The following RBL2 variants were observed in gnomAD, a reference collection of about 807,000 sequenced individuals.
RBL2 encodes RB transcriptional corepressor like 2, also known as retinoblastoma-like protein 2.
RBL2 carries 56 observed loss-of-function variants against 126.0 expected under a neutral mutation model. The observed-to-expected ratio is 0.44, with a 90% confidence interval of 0.36 to 0.56. The LOEUF (loss-of-function observed/expected upper bound fraction) is 0.56, where lower values mean the gene tolerates loss of function less well. Ranked by LOEUF, RBL2 falls within the 20% of genes least tolerant of loss-of-function variation. RBL2 has a pLI of 0.00. For missense variants in RBL2, 1,229 were observed against 1,398.2 expected (o/e 0.88, Z 1.93); for synonymous variants, 454 against 478.5 (o/e 0.95, Z 0.67).
intron 17 of RBL2, among the ~76,000 whole-genome samples, chr16:53,474,450 G>A (rs1366530672): frequency 1.3e-5 from 2 of 152,122 alleles, no homozygotes; most frequent in African/African-American, 4.8e-5. Flanking sequence ...CCAAGTAGCT[G>A]GGATTACAGG....
chr16:53,453,823 C>T, intron 7 of RBL2, 54 bp downstream of exon 7: 1 of 1,409,700 alleles, frequency 7.1e-7, no homozygotes, highest in Non-Finnish European at 9.7e-7. Flanking sequence ...ACTTAGGAAA[C>T]TTCAGAAGTT....
intron 3 of RBL2, among the ~76,000 whole-genome samples, chr16:53,444,052 C>G (rs1203635268): frequency 2.0e-5 from 3 of 151,936 alleles, no homozygotes; most frequent in African/African-American, 7.3e-5. Context: ...AGTTCAAGAC[C>G]AGCCTGGCCA....
intron 21 of RBL2, among the ~76,000 whole-genome samples, chr16:53,483,237 C>T (rs1276605276): frequency 6.6e-6 from 1 of 152,040 alleles, no homozygotes; most frequent in African/African-American, 2.4e-5. Flanking sequence ...TTTTTTTCAA[C>T]TCTTTGTAGG....
At chr16:53,487,307 C>G (rs1961213873) in intron 21 of RBL2, among the ~76,000 whole-genome samples, 1 of 152,110 alleles carries the variant, frequency 6.6e-6, no homozygotes, top group Non-Finnish European at 1.5e-5. Flanking sequence ...ATTATAACAC[C>G]ACAGTAATCA....
At chr16:53,440,418 T>C (rs1244197793) in intron 2 of RBL2, among the ~76,000 whole-genome samples, 2 of 152,212 alleles carry the variant, frequency 1.3e-5, no homozygotes, top group South Asian at 2.1e-4. Flanking sequence ...TCTAGAATTA[T>C]ATCAGGAACT....
At chr16:53,444,534 T>C (rs1183688499) in intron 3 of RBL2, among the ~76,000 whole-genome samples, 29 of 143,796 alleles carry the variant, frequency 2.0e-4, no homozygotes, top group African/African-American at 6.6e-4. Context: ...GCCTGGGCGA[T>C]AGAGCGAGAC....
Position 53,490,318 on chromosome 16 carries a change from A to G in RBL2, c.*18A>G. On this transcript the variant is annotated 3_prime_UTR_variant, in exon 22 of 22. Transcript: ENST00000262133. ...CCCACTGAGGTTAGTCTCTTGTATT[A>G]AACTCTTCACAAAATCTGTTTAGCA... 1 of 1,549,864 alleles carries G rather than the reference A, an allele frequency of 6.5e-7. No homozygotes were observed. The highest frequency in any genetic ancestry group is 8.8e-7 in the Non-Finnish European group (1 of 1,142,380).
chr16:53,441,308 A>T (rs2058013706), intron 2 of RBL2, among the ~76,000 whole-genome samples: 1 of 152,058 alleles, frequency 6.6e-6, no homozygotes, highest in Non-Finnish European at 1.5e-5. Flanking sequence ...AAATTGACAC[A>T]ACTACTTTAC....
intron 2 of RBL2, among the ~76,000 whole-genome samples, 162 bp from the exon 3 acceptor site, chr16:53,442,496 T>G (rs2058025739): frequency 6.6e-6 from 1 of 152,176 alleles, no homozygotes; most frequent in South Asian, 2.1e-4. Context: ...TATACCAATC[T>G]GTAAGAAATT....
chr16:53,476,725 A>AT (rs1173537730), intron 17 of RBL2, among the ~76,000 whole-genome samples: 1 of 152,174 alleles, frequency 6.6e-6, no homozygotes, highest in Non-Finnish European at 1.5e-5. Context: ...TTTTATCATT[A>AT]TGGAATGTCC....
intron 7 of RBL2, 160 bp from the exon 8 acceptor site, chr16:53,454,496 C>T (rs117439412): frequency 0.016 from 10,007 of 643,296 alleles, 116 homozygotes; most frequent in Middle Eastern, 0.044. Context: ...AGCTACTGCA[C>T]CCAGCTATAC....
chr16:53,454,271 C>T (rs963952510), intron 7 of RBL2: 3 of 445,280 alleles, frequency 6.7e-6, no homozygotes, highest in African/African-American at 6.0e-5. Flanking sequence ...GTGGCATGAT[C>T]TCGGCTCACT....
chr16:53,441,245 C>T (rs1489006678), intron 2 of RBL2, among the ~76,000 whole-genome samples: 3 of 152,230 alleles, frequency 2.0e-5, no homozygotes. Flanking sequence ...CAGGCATGAG[C>T]CACTGCGCTC....
At chr16:53,442,082 A>G (rs2058021811) in intron 2 of RBL2, among the ~76,000 whole-genome samples, 2 of 152,118 alleles carry the variant, frequency 1.3e-5, no homozygotes, top group African/African-American at 4.8e-5. Flanking sequence ...GGCCTCCCAA[A>G]GTGCTGGGAT....
chr16:53,467,574 G>C (rs1284529418), intron 14 of RBL2, among the ~76,000 whole-genome samples: 2 of 152,192 alleles, frequency 1.3e-5, no homozygotes, highest in Admixed American at 6.5e-5. Flanking sequence ...TTTTAGTAGA[G>C]AAGGGGTTTT....
intron 21 of RBL2, chr16:53,487,551 C>T (rs1961223946): frequency 6.6e-6 from 1 of 152,204 alleles, no homozygotes; most frequent in East Asian, 1.9e-4. Context: ...AAAAATGAAC[C>T]ACAGACATAA....
Position 53,434,480 on chromosome 16 carries a change from G to C in RBL2, c.-77G>C, listed in dbSNP as rs958439658. ...CAGGCGCGGTGCGGGCGGCGGACGG[G>C]CGGGCGCTTCGCCGTTTGAATGGCT... On this transcript the variant is annotated 5_prime_UTR_variant, in exon 1 of 22. Transcript: ENST00000262133. The C allele has an allele frequency of 7.7e-7, 1 of 1,300,290 alleles. No homozygotes were observed. The highest frequency in any genetic ancestry group is 3.1e-5 in the East Asian group (1 of 31,924). 80.5% of individuals were successfully genotyped at this position (1,300,290 alleles called of 1,614,324 possible).
intron 8 of RBL2, among the ~76,000 whole-genome samples, chr16:53,456,228 G>A (rs1287704263): frequency 2.0e-5 from 3 of 151,970 alleles, no homozygotes; most frequent in African/African-American, 7.2e-5. Flanking sequence ...GGGAACAAGA[G>A]AGCCAGACAG....
chr16:53,452,344 AAC>A (rs2058123836), intron 5 of RBL2, among the ~76,000 whole-genome samples: 1 of 152,230 alleles, frequency 6.6e-6, no homozygotes, highest in African/African-American at 2.4e-5. Flanking sequence ...ATGAATGATA[AAC>A]AGTTACAAGC....
Sources: gnomAD v4.1 joint callset for allele counts (sites outside exome capture counted in the v4.1 genomes callset) on GRCh38, gnomAD v4.1.1 for gene constraint, MANE v1.5 for transcripts, NCBI Gene and HGNC (gene_info 2026-07-23, HGNC 2026-07-21) for gene names.